The following QRFPR variants were observed in gnomAD, a reference collection of about 807,000 sequenced individuals.
QRFPR encodes pyroglutamylated RF-amide peptide receptor.
A neutral mutation model predicts 31.3 loss-of-function variants in QRFPR; 37 were observed. That is an observed-to-expected ratio of 1.18 (90% CI 0.91 to 1.56). QRFPR has a LOEUF of 1.56. Ranked by LOEUF, QRFPR falls within the 40% of genes most tolerant of loss-of-function variation. QRFPR has a pLI of 0.00. For missense variants in QRFPR, 542 were observed against 532.5 expected (o/e 1.02, Z -0.18); for synonymous variants, 197 against 192.0 (o/e 1.03, Z -0.22).
intron 1 of QRFPR, among the ~76,000 whole-genome samples, chr4:121,346,191 T>C (rs1036893680): frequency 2.2e-4 from 33 of 152,216 alleles, no homozygotes; most frequent in African/African-American, 8.0e-4. Flanking sequence ...CAATCTGGCA[T>C]GTAATTACCT....
intron 1 of QRFPR, among the ~76,000 whole-genome samples, chr4:121,345,624 T>G (rs981411996): frequency 6.6e-6 from 1 of 152,172 alleles, no homozygotes; most frequent in Non-Finnish European, 1.5e-5. Context: ...GTCTGACTCT[T>G]GGGATAGAAG....
chr4:121,379,682 A>G lies in QRFPR; in HGVS notation c.340+626T>C, dbSNP rs1476294648. On this transcript the variant is annotated intron_variant, in intron 1 of 5. Coordinates refer to ENST00000394427, the MANE Select transcript of QRFPR (RefSeq NM_198179.3). ...TCTTCTTTTATAATAGGAGGGCATC[A>G]GTTTTCTGTGTTCCTTCTTCCTGCA... Among the ~76,000 whole-genome samples, 3 of 152,168 alleles carry G rather than the reference A, an allele frequency of 2.0e-5. No homozygotes were observed. In the South Asian group the frequency reaches 6.2e-4, roughly 32 times the overall value.
At chr4:121,372,533 T>G (rs968260063) in intron 1 of QRFPR, among the ~76,000 whole-genome samples, 2 of 152,130 alleles carry the variant, frequency 1.3e-5, no homozygotes, top group East Asian at 3.8e-4. Context: ...TTCAAAAACT[T>G]TTTCATAACC....
At chr4:121,375,758 A>T (rs1279589819) in intron 1 of QRFPR, among the ~76,000 whole-genome samples, 1 of 152,234 alleles carries the variant, frequency 6.6e-6, no homozygotes, top group African/African-American at 2.4e-5. Flanking sequence ...CTCGCAAAAT[A>T]AGAGAAAGAT....
intron 1 of QRFPR, among the ~76,000 whole-genome samples, chr4:121,368,837 G>A (rs771144116): frequency 6.6e-6 from 1 of 150,890 alleles, no homozygotes; most frequent in Admixed American, 6.6e-5. Flanking sequence ...AGTGATTGAA[G>A]TTCTTACCTA....
At chr4:121,357,286 A>AT (rs1346473996) in intron 1 of QRFPR, among the ~76,000 whole-genome samples, 1 of 152,114 alleles carries the variant, frequency 6.6e-6, no homozygotes, top group Non-Finnish European at 1.5e-5. Context: ...ATGATAGCAT[A>AT]TTATTAATTA....
intron 1 of QRFPR, among the ~76,000 whole-genome samples, chr4:121,364,544 G>A (rs1306917103): frequency 6.7e-6 from 1 of 149,272 alleles, no homozygotes; most frequent in African/African-American, 2.5e-5. Context: ...GGAAGCTGAG[G>A]CAGGAGAATG....
chr4:121,371,741 C>A (rs1579591239), intron 1 of QRFPR, among the ~76,000 whole-genome samples: 2 of 152,310 alleles, frequency 1.3e-5, no homozygotes, highest in African/African-American at 2.4e-5. Context: ...AACATATCTA[C>A]CCTGAGTACC....
At chr4:121,346,553 G>A (rs1234863616) in intron 1 of QRFPR, among the ~76,000 whole-genome samples, 1 of 152,108 alleles carries the variant, frequency 6.6e-6, no homozygotes, top group Non-Finnish European at 1.5e-5. Context: ...TTCTCTTAGT[G>A]GTTTTACTTT....
At chr4:121,377,210 GAAC>G (rs976868509) in intron 1 of QRFPR, among the ~76,000 whole-genome samples, 5 of 152,104 alleles carry the variant, frequency 3.3e-5, no homozygotes, top group Admixed American at 6.5e-5. Flanking sequence ...GGGGAAGCAA[GAAC>G]AACAACAAAA....
intron 1 of QRFPR, among the ~76,000 whole-genome samples, chr4:121,353,091 C>T (rs1291873293): frequency 1.3e-5 from 2 of 151,988 alleles, no homozygotes; most frequent in Non-Finnish European, 2.9e-5. Flanking sequence ...TGTGCATGTA[C>T]CACATATTCT....
At chr4:121,343,991 C>T (rs1725597264) in intron 1 of QRFPR, among the ~76,000 whole-genome samples, 2 of 152,320 alleles carry the variant, frequency 1.3e-5, no homozygotes, top group South Asian at 4.1e-4. Context: ...ACCCATCTGT[C>T]ATAGGACTGA....
intron 1 of QRFPR, chr4:121,369,818 C>T (rs1726198266): frequency 7.8e-7 from 1 of 1,288,852 alleles, no homozygotes; most frequent in African/African-American, 1.5e-5. Flanking sequence ...AGAAGTGGTG[C>T]TTGGGGTGGA....
chr4:121,340,721 T>C lies in QRFPR; in HGVS notation c.341-111A>G, dbSNP rs551675019. The C allele has an allele frequency of 5.3e-6, 5 of 949,250 alleles. No individual in the cohort carries two copies. The South Asian group carries it at 7.1e-5, about 13-fold the overall frequency. The allele number at this position is 949,250 out of a possible 1,614,324, so 58.8% of individuals were successfully genotyped here. ...CCATTCTGAGCCTCTGCCAAAAAGTTTGATAATTGTAATTACTCTGTAGAC... is the reference window on the plus strand; with the variant it reads ...CCATTCTGAGCCTCTGCCAAAAAGTCTGATAATTGTAATTACTCTGTAGAC... On this transcript the variant is annotated intron_variant, in intron 1 of 5. Coordinates refer to ENST00000394427, the MANE Select transcript of QRFPR (RefSeq NM_198179.3).
chr4:121,379,127 G>A (rs1470490912), intron 1 of QRFPR, among the ~76,000 whole-genome samples: 10 of 152,122 alleles, frequency 6.6e-5, no homozygotes, highest in African/African-American at 2.4e-4. Flanking sequence ...TCCACATTGT[G>A]TATTACTTTC....
chr4:121,341,088 G>A (rs1433428832), intron 1 of QRFPR, among the ~76,000 whole-genome samples: 1 of 152,126 alleles, frequency 6.6e-6, no homozygotes, highest in Non-Finnish European at 1.5e-5. Context: ...CTTTATATAT[G>A]TATTACACCA....
rs1275509844 is a variant in QRFPR, at chr4:121,329,444, T to C, written c.1166A>G (p.Glu389Gly). 1.2e-6 allele frequency: 2 copies of C among 1,614,166 alleles called. No individual in the cohort carries two copies. The highest frequency in any genetic ancestry group is 1.3e-5 in the African/African-American group (1 of 75,074). Residue 389 changes from glutamate (E) to glycine (G), a missense_variant, in exon 6 of 6, where the codon GAA becomes GGA. Glu to Gly is a moderately conservative substitution (Grantham distance 98). Coordinates refer to ENST00000394427, the MANE Select transcript of QRFPR (RefSeq NM_198179.3). ...RENPVEETKGEAFSDGNIEVK... is the reference protein window; with the variant it reads ...RENPVEETKGGAFSDGNIEVK... ...TTCAATGTTGCCATCACTGAATGCTTCTCCTTTGGTTTCCTCCACTGGATT... is the reference window on the plus strand; with the variant it reads ...TTCAATGTTGCCATCACTGAATGCTCCTCCTTTGGTTTCCTCCACTGGATT...
chr4:121,361,617 G>A (rs1423898738), intron 1 of QRFPR, among the ~76,000 whole-genome samples: 1 of 150,132 alleles, frequency 6.7e-6, no homozygotes, highest in Non-Finnish European at 1.5e-5. Context: ...TGATTCAGTA[G>A]GTATGTGATG....
intron 2 of QRFPR, among the ~76,000 whole-genome samples, chr4:121,337,390 T>C (rs1725456037): frequency 6.6e-6 from 1 of 152,228 alleles, no homozygotes; most frequent in African/African-American, 2.4e-5. Context: ...TACTAATTCC[T>C]TGTTGTCTCT....
Sources: gnomAD v4.1 joint callset for allele counts (sites outside exome capture counted in the v4.1 genomes callset) on GRCh38, gnomAD v4.1.1 for gene constraint, MANE v1.5 for transcripts, NCBI Gene and HGNC (gene_info 2026-07-23, HGNC 2026-07-21) for gene names.